Variants in PAN3 observed in about 807,000 individuals in gnomAD.
The protein encoded by PAN3 is PAN2-PAN3 deadenylation complex subunit PAN3.
A neutral mutation model predicts 96.2 loss-of-function variants in PAN3; 19 were observed. The observed-to-expected ratio is 0.20, with a 90% CI of 0.14 to 0.29. The LOEUF (loss-of-function observed/expected upper bound fraction) is 0.29, where lower values mean the gene tolerates loss of function less well. PAN3 is among the 10% of genes least tolerant of loss of function. The pLI, the probability that PAN3 is intolerant of heterozygous loss-of-function variation, is 1.00. For missense variants in PAN3, 882 were observed against 1,108.1 expected (o/e 0.80, Z 2.90); for synonymous variants, 433 against 406.6 (o/e 1.06, Z -0.78).
At chr13:28,169,206 A>ATT (rs201186587) in intron 1 of PAN3, among the ~76,000 whole-genome samples, 2 of 88,932 alleles carry the variant, frequency 2.2e-5, no homozygotes, top group South Asian at 3.5e-4. Flanking sequence ...GCATTTTCTC[A>ATT]TTTTTTTTTT....
At chr13:28,239,207 A>ACG (rs1347127526) in intron 6 of PAN3, among the ~76,000 whole-genome samples, 2 of 132,344 alleles carry the variant, frequency 1.5e-5, no homozygotes, top group African/African-American at 5.7e-5. Context: ...ACACGCACAC[A>ACG]CACACACACA....
intron 5 of PAN3, among the ~76,000 whole-genome samples, chr13:28,208,131 T>C (rs1349933161): frequency 6.6e-6 from 1 of 152,182 alleles, no homozygotes; most frequent in Non-Finnish European, 1.5e-5. Context: ...AAAATCTTAA[T>C]ATATGTTAAA....
chr13:28,140,222 T>G (rs1042015791), intron 1 of PAN3, among the ~76,000 whole-genome samples: 4 of 152,180 alleles, frequency 2.6e-5, no homozygotes, highest in Non-Finnish European at 4.4e-5. Context: ...TGTGTTGTTA[T>G]CTATTGACCT....
intron 7 of PAN3, among the ~76,000 whole-genome samples, chr13:28,258,886 A>G (rs941181234): frequency 6.6e-6 from 1 of 152,162 alleles, no homozygotes; most frequent in Admixed American, 6.6e-5. Context: ...TATAATACCT[A>G]ATGCAGTATA....
At chr13:28,219,316 CTT>C (rs1446869851) in intron 5 of PAN3, among the ~76,000 whole-genome samples, 1 of 151,888 alleles carries the variant, frequency 6.6e-6, no homozygotes, top group Non-Finnish European at 1.5e-5. Context: ...TATTTTATCA[CTT>C]TTTATTTAAC....
intron 5 of PAN3, among the ~76,000 whole-genome samples, chr13:28,213,161 C>G (rs1880262257): frequency 6.6e-6 from 1 of 151,988 alleles, no homozygotes; most frequent in African/African-American, 2.4e-5. Flanking sequence ...AAAAATCATA[C>G]TACAATAAAA....
intron 4 of PAN3, among the ~76,000 whole-genome samples, chr13:28,195,248 C>CA (rs1384155094): frequency 2.6e-5 from 4 of 151,950 alleles, no homozygotes; most frequent in African/African-American, 9.7e-5. Flanking sequence ...ACTAAAAATA[C>CA]AAAAATTAGC....
intron 5 of PAN3, among the ~76,000 whole-genome samples, chr13:28,216,368 C>G (rs190517840): frequency 6.6e-6 from 1 of 152,068 alleles, no homozygotes; most frequent in Admixed American, 6.6e-5. Context: ...TATAAGAGGC[C>G]TGTGCAGACT....
At chr13:28,258,505 G>T (rs1885406044) in intron 7 of PAN3, among the ~76,000 whole-genome samples, 2 of 152,174 alleles carry the variant, frequency 1.3e-5, no homozygotes, top group South Asian at 4.1e-4. Context: ...TGCTTGGAAG[G>T]TAAATGTATT....
intron 5 of PAN3, among the ~76,000 whole-genome samples, chr13:28,213,157 C>T (rs1353852732): frequency 6.6e-6 from 1 of 152,052 alleles, no homozygotes; most frequent in Non-Finnish European, 1.5e-5. Flanking sequence ...CCAAAAAAAT[C>T]ATACTACAAT....
At chr13:28,276,194 T>C (rs879740160) in intron 14 of PAN3, among the ~76,000 whole-genome samples, 1 of 152,196 alleles carries the variant, frequency 6.6e-6, no homozygotes, top group Non-Finnish European at 1.5e-5. Flanking sequence ...TGGCTACTGC[T>C]GATTTTGGTT....
intron 14 of PAN3, among the ~76,000 whole-genome samples, chr13:28,273,058 A>G (rs1367969177): frequency 1.3e-5 from 2 of 152,180 alleles, no homozygotes; most frequent in Non-Finnish European, 2.9e-5. Context: ...TTGTCTGACT[A>G]CCAGTCATGA....
chr13:28,287,101 C>A (rs935411887), intron 17 of PAN3, among the ~76,000 whole-genome samples: 4 of 152,130 alleles, frequency 2.6e-5, no homozygotes, highest in Non-Finnish European at 5.9e-5. Context: ...ACATGACCTT[C>A]CTTAAGTTTC....
At chr13:28,257,774 TAA>T (rs1885327613) in intron 7 of PAN3, among the ~76,000 whole-genome samples, 1 of 140,090 alleles carries the variant, frequency 7.1e-6, no homozygotes, top group Non-Finnish European at 1.5e-5. Context: ...ATATTATATA[TAA>T]ATTATATATA....
At position 28,256,364 on chromosome 13, in the gene PAN3, G is replaced by GA. The variant is rs1885136372; in HGVS notation, c.1075dup (p.Arg359LysfsTer16). On this transcript the variant is annotated frameshift_variant, in exon 7 of 19. Transcript: ENST00000380958. LOFTEE classifies it high-confidence loss of function. Reference sequence around the variant, plus strand: ...ACTCCACATACTTCTCCTGCTCCCAGAAGAAGAAGTCACACTCCAAATCCA... The same window carrying GA: ...ACTCCACATACTTCTCCTGCTCCCAGAAAGAAGAAGTCACACTCCAAATCCA... The GA allele has an allele frequency of 6.2e-7, 1 of 1,613,660 alleles. No individual in the cohort carries two copies. The highest frequency in any genetic ancestry group is 1.3e-5 in the African/African-American group (1 of 74,892).
intron 6 of PAN3, among the ~76,000 whole-genome samples, chr13:28,237,621 T>C (rs140121664): frequency 2.3e-4 from 35 of 152,348 alleles, no homozygotes; most frequent in African/African-American, 8.4e-4. Flanking sequence ...CATAAAGTTA[T>C]TCAGTGAGAA....
rs955026525 is a variant in PAN3 at position 28,293,254 on chromosome 13, T to C, written c.*732T>C. The C allele has an allele frequency of 6.6e-6, 1 of 152,166 alleles. No homozygotes were observed. The highest frequency in any genetic ancestry group is 2.4e-5 in the African/African-American group (1 of 41,438). The allele number at this position is 152,166 out of a possible 1,614,324, so 9.4% of individuals were successfully genotyped here. ...TCCTTCAAATTCAACTAGAGCCTTT[T>C]TAAAAAGACATTTGCCTGCTAGTCA... On this transcript the variant is annotated 3_prime_UTR_variant, in exon 19 of 19. Transcript: ENST00000380958.
At chr13:28,191,913 C>G (rs1409960914) in intron 4 of PAN3, among the ~76,000 whole-genome samples, 1 of 151,854 alleles carries the variant, frequency 6.6e-6, no homozygotes, top group Non-Finnish European at 1.5e-5. Context: ...CTCCTTTTTT[C>G]ATTTTTTGTA....
intron 5 of PAN3, among the ~76,000 whole-genome samples, chr13:28,205,960 T>C (rs981749031): frequency 2.0e-5 from 3 of 151,948 alleles, no homozygotes; most frequent in Non-Finnish European, 4.4e-5. Context: ...CTCAGACAAA[T>C]AGGTGTTTGT....
Sources: gnomAD v4.1 joint callset for allele counts (sites outside exome capture counted in the v4.1 genomes callset) on GRCh38, gnomAD v4.1.1 for gene constraint, MANE v1.5 for transcripts, NCBI Gene and HGNC (gene_info 2026-07-23, HGNC 2026-07-21) for gene names.